The following SLCO3A1 variants were observed in gnomAD, a reference collection of about 807,000 sequenced individuals.
The protein encoded by SLCO3A1 is solute carrier organic anion transporter family member 3A1, also known as PGE1 transporter.
A neutral mutation model predicts 63.1 loss-of-function variants in SLCO3A1; 27 were observed. The ratio of observed to expected loss-of-function variants is 0.43; its 90% CI spans 0.32 to 0.59. The LOEUF is 0.59. SLCO3A1 is among the 20% of genes least tolerant of loss of function. The pLI, the probability that SLCO3A1 is intolerant of heterozygous loss-of-function variation, is 0.09. For synonymous variants in SLCO3A1, 473 were observed against 409.9 expected, an observed-to-expected ratio of 1.15 and a Z score of -1.86; for missense variants, 773 against 945.8, an observed-to-expected ratio of 0.82 and a Z score of 2.40.
intron 2 of SLCO3A1, among the ~76,000 whole-genome samples, chr15:91,936,640 C>A (rs187617293): frequency 3.9e-5 from 6 of 152,324 alleles, no homozygotes; most frequent in Admixed American, 2.0e-4. Flanking sequence ...AATGTACAGA[C>A]TTCAGTGAGT....
intron 2 of SLCO3A1, among the ~76,000 whole-genome samples, chr15:91,966,415 T>C (rs1900663896): frequency 6.6e-6 from 1 of 152,208 alleles, no homozygotes; most frequent in Non-Finnish European, 1.5e-5. Flanking sequence ...TTCCCACTAA[T>C]GTATCATCAG....
rs1368828024 is a variant in SLCO3A1 at position 92,165,651 on chromosome 15, G to A, written c.*2516G>A. On this transcript the variant is annotated 3_prime_UTR_variant, in exon 10 of 10. Coordinates refer to ENST00000318445, the MANE Select transcript of SLCO3A1 (RefSeq NM_013272.4). ...GCAATTGGGTATAAATTTAAAGACC[G>A]CTGTTGCAGGATGGCTCTGAATTCT... 5 of 985,228 alleles carry A rather than the reference G, an allele frequency of 5.1e-6. No homozygotes were observed. The highest frequency in any genetic ancestry group is 1.7e-5 in the African/African-American group (1 of 57,198). The allele number at this position is 985,228 out of a possible 1,614,324, so 61.0% of individuals were successfully genotyped here.
intron 2 of SLCO3A1, among the ~76,000 whole-genome samples, chr15:91,925,200 A>G (rs553963150): frequency 1.3e-5 from 2 of 152,314 alleles, no homozygotes; most frequent in Non-Finnish European, 2.9e-5. Flanking sequence ...TCTTCAGTTA[A>G]GACTGTTTAC....
intron 2 of SLCO3A1, among the ~76,000 whole-genome samples, chr15:91,983,342 C>A (rs112749823): frequency 6.6e-6 from 1 of 152,212 alleles, no homozygotes; most frequent in East Asian, 1.9e-4. Context: ...GAGAATTACC[C>A]GAGTGGGAGG....
chr15:92,166,440 T>C (rs976793897), downstream of SLCO3A1, among the ~76,000 whole-genome samples: 1 of 152,248 alleles, frequency 6.6e-6, no homozygotes. Flanking sequence ...TCTCACCATC[T>C]GATCATGGAA....
chr15:92,076,237 T>C (rs1447640861), intron 2 of SLCO3A1, among the ~76,000 whole-genome samples: 1 of 151,996 alleles, frequency 6.6e-6, no homozygotes, highest in Non-Finnish European at 1.5e-5. Flanking sequence ...CCGCTGGAGG[T>C]GAGGTTGGAA....
rs28670151 is a variant in SLCO3A1, at chr15:92,143,451, A to T, written c.1513-3533A>T. On this transcript the variant is annotated intron_variant, in intron 7 of 9. Coordinates refer to ENST00000318445, the MANE Select transcript of SLCO3A1 (RefSeq NM_013272.4). ...ATATAATATATATAATATATATATA[A>T]TATATATAATATATATAAATATATA... Among the ~76,000 whole-genome samples, 4 of 2,146 alleles carry T rather than the reference A, an allele frequency of 1.9e-3. 1 individual carries two copies. The African/African-American group carries it at 0.027, about 15-fold the overall frequency. The allele number at this position is 2,146 out of a possible 152,430, so 1.4% of individuals were successfully genotyped here. A position where few individuals can be genotyped will look rare whatever the true frequency, so the allele number is the denominator to read the frequency against.
At position 91,854,389 on chromosome 15, in the gene SLCO3A1, C is replaced by A; in HGVS notation, c.180+301C>A. 9.5e-7 allele frequency: 1 copy of A among 1,055,474 alleles called. No homozygotes were observed. The allele number at this position is 1,055,474 out of a possible 1,614,324, so 65.4% of individuals were successfully genotyped here. Reference sequence around the variant, plus strand: ...GTGGGCGTGAAACTATTCCTCTCCCCCCATAAGAGCGGAGCGAGACGGTGA... The same window carrying A: ...GTGGGCGTGAAACTATTCCTCTCCCACCATAAGAGCGGAGCGAGACGGTGA... On this transcript the variant is annotated intron_variant, in intron 1 of 9. Coordinates refer to ENST00000318445, the MANE Select transcript of SLCO3A1 (RefSeq NM_013272.4). The surrounding 1 kb of genome is among the most constrained non-coding windows in gnomAD (Gnocchi z 6.4).
At chr15:92,025,017 C>T (rs1356541178) in intron 2 of SLCO3A1, among the ~76,000 whole-genome samples, 2 of 146,602 alleles carry the variant, frequency 1.4e-5, no homozygotes, top group Non-Finnish European at 3.0e-5. Flanking sequence ...ATCTGTTCAT[C>T]CATCCATCTG....
chr15:92,028,908 A>AGTTGTGTGTGTGT (rs2046609965), intron 2 of SLCO3A1, among the ~76,000 whole-genome samples: 1 of 120,072 alleles, frequency 8.3e-6, no homozygotes, highest in Admixed American at 8.6e-5. Context: ...TGCAGGCACA[A>AGTTGTGTGTGTGT]GTGTGTGTGT....
intron 2 of SLCO3A1, among the ~76,000 whole-genome samples, chr15:92,050,229 C>T (rs1316885563): frequency 6.6e-6 from 1 of 152,222 alleles, no homozygotes; most frequent in Non-Finnish European, 1.5e-5. Context: ...TTTTCAGTGC[C>T]TTCAGCAGGT....
chr15:91,962,657 A>G (rs930166445), intron 2 of SLCO3A1, among the ~76,000 whole-genome samples: 1 of 151,918 alleles, frequency 6.6e-6, no homozygotes, highest in Non-Finnish European at 1.5e-5. Flanking sequence ...CCTAAGCCCA[A>G]CGGAGAGCCC....
intron 4 of SLCO3A1, among the ~76,000 whole-genome samples, chr15:92,109,432 A>G (rs550566400): frequency 1.3e-5 from 2 of 152,234 alleles, no homozygotes; most frequent in Non-Finnish European, 2.9e-5. Context: ...TGGGTCTTCC[A>G]GACACAGCTG....
chr15:92,133,107 C>G (rs1596130434), intron 7 of SLCO3A1, among the ~76,000 whole-genome samples: 1 of 145,694 alleles, frequency 6.9e-6, no homozygotes, highest in Non-Finnish European at 1.5e-5. Context: ...GTGTTTTTAC[C>G]AGCATCCCTG....
chr15:92,149,609 A>G (rs2048277400), intron 8 of SLCO3A1: 1 of 152,214 alleles, frequency 6.6e-6, no homozygotes, highest in Admixed American at 6.5e-5. Flanking sequence ...CTTTAGAACT[A>G]AGACTCCCTC....
At chr15:91,974,016 A>G (rs1900990058) in intron 2 of SLCO3A1, among the ~76,000 whole-genome samples, 1 of 152,080 alleles carries the variant, frequency 6.6e-6, no homozygotes, top group Non-Finnish European at 1.5e-5. Flanking sequence ...GCCTATTGGT[A>G]CCTGTTCTGT....
At chr15:91,961,800 C>G (rs558880480) in intron 2 of SLCO3A1, among the ~76,000 whole-genome samples, 2 of 152,336 alleles carry the variant, frequency 1.3e-5, no homozygotes, top group South Asian at 4.1e-4. Context: ...TCATTCCTCA[C>G]CAGAATGCCA....
intron 2 of SLCO3A1, among the ~76,000 whole-genome samples, chr15:92,082,325 G>C (rs1276502131): frequency 6.6e-6 from 1 of 152,218 alleles, no homozygotes; most frequent in Non-Finnish European, 1.5e-5. Flanking sequence ...ATAAATTGAG[G>C]AGACGAAGGC....
At chr15:92,079,863 G>A (rs2047321684) in intron 2 of SLCO3A1, among the ~76,000 whole-genome samples, 1 of 152,224 alleles carries the variant, frequency 6.6e-6, no homozygotes, top group Non-Finnish European at 1.5e-5. Context: ...TGGGGGCTTG[G>A]GTGTGGACAG....
Sources: allele counts gnomAD v4.1 joint callset (sites outside exome capture counted in the v4.1 genomes callset), GRCh38; gene constraint gnomAD v4.1.1; non-coding constraint Gnocchi (gnomAD v3.1); transcripts MANE v1.5; gene names NCBI Gene and HGNC (gene_info 2026-07-23, HGNC 2026-07-21).